Variants in SIL1 observed in about 807,000 individuals in gnomAD.
The protein encoded by SIL1 is SIL1 nucleotide exchange factor, also known as nucleotide exchange factor SIL1.
A neutral mutation model predicts 49.1 loss-of-function variants in SIL1; 40 were observed. The ratio of observed to expected loss-of-function variants is 0.81; its 90% CI spans 0.63 to 1.06. The LOEUF is 1.06. Among genes scored for constraint, SIL1 ranks in the 50% least tolerant of loss-of-function variants. The pLI, the probability that SIL1 is intolerant of heterozygous loss-of-function variation, is 0.00. For synonymous variants in SIL1, 253 were observed against 250.8 expected (o/e 1.01, Z -0.08); for missense variants, 500 against 572.6 (o/e 0.87, Z 1.29).
chr5:139,162,348 T>C (rs1751529625), intron 1 of SIL1, among the ~76,000 whole-genome samples: 1 of 152,246 alleles, frequency 6.6e-6, no homozygotes, highest in Non-Finnish European at 1.5e-5. Flanking sequence ...AAATTTGCTA[T>C]TCCTGGTGAG....
intron 1 of SIL1, among the ~76,000 whole-genome samples, chr5:139,166,495 T>C (rs938328852): frequency 1.3e-5 from 2 of 152,114 alleles, no homozygotes; most frequent in Non-Finnish European, 2.9e-5. Flanking sequence ...GATCCTGTCC[T>C]TACAAAAAAT....
chr5:139,051,024 G>T lies in SIL1; in HGVS notation c.267C>A (p.Ser89=), dbSNP rs376493441. The part of the protein sequence containing the change: ...LQPGQAVPAG[S]HVRLNLQTGE... Reference sequence around the variant, plus strand: ...CAGTCTGAAGATTCAGCCGTACGTGGGATCCTGCAGGGACAGCCTGCCCTA... The same window carrying T: ...CAGTCTGAAGATTCAGCCGTACGTGTGATCCTGCAGGGACAGCCTGCCCTA... Residue 89 remains serine, a synonymous_variant, in exon 4 of 10, where the codon TCC becomes TCA. Transcript: ENST00000394817. The T allele has an allele frequency of 3.1e-5, 50 of 1,614,006 alleles. No homozygotes were observed. The highest frequency in any genetic ancestry group is 3.8e-5 in the Non-Finnish European group (45 of 1,180,028).
At chr5:139,009,140 G>A (rs1024666122) in intron 7 of SIL1, among the ~76,000 whole-genome samples, 2 of 151,180 alleles carry the variant, frequency 1.3e-5, no homozygotes, top group African/African-American at 4.9e-5. Context: ...ATGAATCTGG[G>A]TGCTCCTGTA....
At chr5:139,169,425 A>G (rs1200147196) in intron 1 of SIL1, among the ~76,000 whole-genome samples, 1 of 152,140 alleles carries the variant, frequency 6.6e-6, no homozygotes, top group Admixed American at 6.6e-5. Flanking sequence ...GCATACAATG[A>G]AACAGAAAAG....
At chr5:139,115,843 T>C (rs1201335902) in intron 3 of SIL1, among the ~76,000 whole-genome samples, 2 of 152,190 alleles carry the variant, frequency 1.3e-5, no homozygotes, top group African/African-American at 4.8e-5. Flanking sequence ...ATCCCCAACT[T>C]ATACCTGGTC....
At chr5:139,077,139 A>G (rs2151768378) in intron 3 of SIL1, among the ~76,000 whole-genome samples, 1 of 152,316 alleles carries the variant, frequency 6.6e-6, no homozygotes, top group South Asian at 2.1e-4. Flanking sequence ...ATCTCAAAAA[A>G]GAAAAAGCAA....
chr5:139,050,348 T>C (rs1170557201), intron 4 of SIL1, among the ~76,000 whole-genome samples: 1 of 152,154 alleles, frequency 6.6e-6, no homozygotes, highest in Non-Finnish European at 1.5e-5. Flanking sequence ...AAAGAAAGCA[T>C]GCTAATTCAA....
intron 5 of SIL1, among the ~76,000 whole-genome samples, chr5:139,041,796 G>A (rs1036308539): frequency 1.4e-5 from 2 of 144,170 alleles, no homozygotes; most frequent in African/African-American, 5.2e-5. Flanking sequence ...CTGGGCGACA[G>A]AGCAAGACTC....
At chr5:139,082,435 T>C (rs1306973693) in intron 3 of SIL1, among the ~76,000 whole-genome samples, 1 of 152,194 alleles carries the variant, frequency 6.6e-6, no homozygotes. Context: ...CCAAGAAAGC[T>C]GATTGAAACA....
At chr5:139,023,926 G>T (rs1013629821) in intron 6 of SIL1, among the ~76,000 whole-genome samples, 2 of 152,234 alleles carry the variant, frequency 1.3e-5, no homozygotes, top group Admixed American at 1.3e-4. Context: ...TTTGGCTTCT[G>T]CCAGGGACTG....
intron 1 of SIL1, among the ~76,000 whole-genome samples, chr5:139,188,265 T>C (rs1338838818): frequency 6.6e-6 from 1 of 152,116 alleles, no homozygotes; most frequent in Non-Finnish European, 1.5e-5. Flanking sequence ...GCTTCTGTAA[T>C]AATTCTGGAG....
chr5:139,035,642 CTT>C (rs759319838), intron 5 of SIL1: 6,302 of 157,520 alleles, frequency 0.04, no homozygotes, highest in South Asian at 0.085. Flanking sequence ...AGGTATACAA[CTT>C]TTTTTTTTTT....
chr5:139,165,239 G>C (rs893115092), intron 1 of SIL1, among the ~76,000 whole-genome samples: 8 of 152,136 alleles, frequency 5.3e-5, no homozygotes, highest in Non-Finnish European at 1.2e-4. Context: ...ATTGATCCCA[G>C]ATCTTCAGAT....
intron 1 of SIL1, among the ~76,000 whole-genome samples, chr5:139,174,937 C>CAAAAAAA (rs56959325): frequency 5.5e-3 from 329 of 59,646 alleles, no homozygotes; most frequent in Non-Finnish European, 6.8e-3. Flanking sequence ...GACTGTGTCT[C>CAAAAAAA]AAAAAAAAAA....
At chr5:139,050,868 C>T (rs1769269015) in intron 4 of SIL1, 70 bp downstream of exon 4, 3 of 1,268,736 alleles carry the variant, frequency 2.4e-6, no homozygotes, top group Non-Finnish European at 3.5e-6. Flanking sequence ...ATTTGGGTAA[C>T]ATTTTAAGTA....
At chr5:139,116,856 T>C (rs1475667047) in intron 3 of SIL1, among the ~76,000 whole-genome samples, 1 of 152,274 alleles carries the variant, frequency 6.6e-6, no homozygotes, top group Non-Finnish European at 1.5e-5. Flanking sequence ...TTGAACATTT[T>C]ACATATGTTA....
chr5:139,102,238 T>C (rs1226350193), intron 3 of SIL1, among the ~76,000 whole-genome samples: 4 of 152,238 alleles, frequency 2.6e-5, no homozygotes, highest in African/African-American at 9.6e-5. Context: ...GCTCACTTTA[T>C]ACCTATATGC....
At chr5:139,139,310 G>A (rs1432948893) in intron 1 of SIL1, among the ~76,000 whole-genome samples, 1 of 152,206 alleles carries the variant, frequency 6.6e-6, no homozygotes, top group Non-Finnish European at 1.5e-5. Context: ...CACGGTCAGG[G>A]TTCGAGGGGA....
At chr5:139,086,885 G>A (rs1581089712) in intron 3 of SIL1, among the ~76,000 whole-genome samples, 1 of 151,890 alleles carries the variant, frequency 6.6e-6, no homozygotes, top group Non-Finnish European at 1.5e-5. Flanking sequence ...ACTTGAACTC[G>A]GGAGGCGGAG....
Sources: gnomAD v4.1 joint callset for allele counts (sites outside exome capture counted in the v4.1 genomes callset) on GRCh38, gnomAD v4.1.1 for gene constraint, MANE v1.5 for transcripts, NCBI Gene and HGNC (gene_info 2026-07-23, HGNC 2026-07-21) for gene names.